Variants in MUSK observed in about 807,000 individuals in gnomAD.
MUSK encodes the protein muscle associated receptor tyrosine kinase.
Under a neutral mutation model 88.7 loss-of-function variants are expected in MUSK, and 55 were observed. The ratio of observed to expected loss-of-function variants is 0.62; its 90% CI spans 0.50 to 0.78. MUSK has a LOEUF of 0.78. Ranked by LOEUF, MUSK falls within the 30% of genes least tolerant of loss-of-function variation. The probability of loss-of-function intolerance (pLI) is 0.00; values close to 1 mark genes in which losing one functional copy is unlikely to be tolerated. For missense variants in MUSK, 1,015 were observed against 1,074.3 expected, an observed-to-expected ratio of 0.94 and a Z score of 0.77; for synonymous variants, 387 against 391.9, an observed-to-expected ratio of 0.99 and a Z score of 0.15.
At chr9:110,780,132 C>T (rs1056317641) in intron 11 of MUSK, among the ~76,000 whole-genome samples, 3 of 152,144 alleles carry the variant, frequency 2.0e-5, no homozygotes, top group South Asian at 2.1e-4. Context: ...AACTGATATA[C>T]TCTATTTTAT....
chr9:110,758,968 A>C (rs2077362793), intron 7 of MUSK, among the ~76,000 whole-genome samples: 1 of 152,248 alleles, frequency 6.6e-6, no homozygotes, highest in South Asian at 2.1e-4. Flanking sequence ...TCACAGAACT[A>C]GAAACAAAAC....
intron 1 of MUSK, among the ~76,000 whole-genome samples, chr9:110,680,232 T>C (rs142902633): frequency 1.5e-3 from 235 of 152,288 alleles, no homozygotes; most frequent in African/African-American, 5.2e-3. Context: ...TGGTATCAAT[T>C]GTTGTTGCTG....
chr9:110,731,317 A>G (rs1439156798), intron 5 of MUSK, among the ~76,000 whole-genome samples: 1 of 152,064 alleles, frequency 6.6e-6, no homozygotes, highest in African/African-American at 2.4e-5. Flanking sequence ...GTAATTACCA[A>G]ATGATTCAGA....
chr9:110,757,652 A>G (rs2077344395), intron 7 of MUSK, among the ~76,000 whole-genome samples: 1 of 151,624 alleles, frequency 6.6e-6, no homozygotes, highest in South Asian at 2.1e-4. Context: ...AATTTGTCAA[A>G]AAAAAAAAGT....
At chr9:110,672,834 T>C (rs900566011) in intron 1 of MUSK, among the ~76,000 whole-genome samples, 1 of 152,178 alleles carries the variant, frequency 6.6e-6, no homozygotes, top group African/African-American at 2.4e-5. Flanking sequence ...TCAATAGTCA[T>C]ATGCGAGAGC....
intron 1 of MUSK, among the ~76,000 whole-genome samples, chr9:110,678,577 T>C (rs1032868429): frequency 6.6e-6 from 1 of 152,178 alleles, no homozygotes; most frequent in Non-Finnish European, 1.5e-5. Flanking sequence ...TCTGTGAGTA[T>C]TGTTGATGAT....
At chr9:110,752,498 C>T (rs73655620) in intron 7 of MUSK, among the ~76,000 whole-genome samples, 1,882 of 152,380 alleles carry the variant, frequency 0.012, 44 homozygotes, top group African/African-American at 0.043. Flanking sequence ...TCAAGTCAGA[C>T]ATGGCGCCTC....
chr9:110,738,234 A>G (rs1488312459), intron 6 of MUSK, among the ~76,000 whole-genome samples: 1 of 152,030 alleles, frequency 6.6e-6, no homozygotes, highest in African/African-American at 2.4e-5. Flanking sequence ...CCATCTTTCT[A>G]TATATTTACT....
chr9:110,789,369 G>T (rs2077932842), intron 14 of MUSK, among the ~76,000 whole-genome samples: 1 of 152,246 alleles, frequency 6.6e-6, no homozygotes, highest in South Asian at 2.1e-4. Context: ...AAAAGTCAAA[G>T]ATAGTATCGA....
chr9:110,697,277 T>C (rs2076443329), intron 4 of MUSK, 48 bp from the exon 5 acceptor site: 1 of 1,601,108 alleles, frequency 6.2e-7, no homozygotes, highest in Admixed American at 1.7e-5. Flanking sequence ...AAATGTATCC[T>C]TGATAGACCC....
chr9:110,683,520 G>T lies in MUSK; in HGVS notation c.206+720G>T, dbSNP rs377370651. Among the ~76,000 whole-genome samples the T allele has an allele frequency of 8.8e-4, 134 of 152,120 alleles. 3 individuals carry two copies. The South Asian group carries it at 0.022, about 24-fold the overall frequency. Reference sequence around the variant, plus strand: ...CAGCAGTGGGGTTGCTGGATCATATGGTAGCTCAATTTTTAGTTTTTTGAG... The same window carrying T: ...CAGCAGTGGGGTTGCTGGATCATATTGTAGCTCAATTTTTAGTTTTTTGAG... On this transcript the variant is annotated intron_variant, in intron 2 of 14. Transcript: ENST00000374448.
intron 8 of MUSK, among the ~76,000 whole-genome samples, chr9:110,765,351 G>T (rs1050058909): frequency 6.6e-6 from 1 of 152,048 alleles, no homozygotes; most frequent in South Asian, 2.1e-4. Flanking sequence ...AGACCATTTC[G>T]TAAACCAGTT....
intron 5 of MUSK, among the ~76,000 whole-genome samples, chr9:110,717,221 T>C (rs1263429691): frequency 1.3e-5 from 2 of 149,820 alleles, no homozygotes; most frequent in Admixed American, 6.6e-5. Flanking sequence ...GATCATTATA[T>C]ATTTTTTTAA....
At chr9:110,674,488 C>T (rs944799535) in intron 1 of MUSK, among the ~76,000 whole-genome samples, 10 of 152,054 alleles carry the variant, frequency 6.6e-5, no homozygotes, top group Non-Finnish European at 1.0e-4. Context: ...CACTTGACTA[C>T]GATTAATAGA....
chr9:110,685,860 C>A (rs1267464157), intron 2 of MUSK, among the ~76,000 whole-genome samples: 1 of 152,046 alleles, frequency 6.6e-6, no homozygotes, highest in East Asian at 1.9e-4. Flanking sequence ...TTCTAGCATG[C>A]TTTTCAAATT....
rs544704066 is a variant in MUSK at position 110,803,966 on chromosome 9, C to T, written c.*2978C>T. On this transcript the variant is annotated 3_prime_UTR_variant, in exon 15 of 15. Coordinates refer to ENST00000374448, the MANE Select transcript of MUSK (RefSeq NM_005592.4). ...AGCAGTCATTTTTAGTGATCAAATA[C>T]CAAACATGGTAAGATACCAGAGTAT... Among the ~76,000 whole-genome samples the T allele has an allele frequency of 1.3e-3, 194 of 152,146 alleles. No homozygotes were observed. Among genetic ancestry groups the T allele is most frequent in the Non-Finnish European group, 2.1e-3 (143 of 67,968 alleles).
chr9:110,676,972 A>G (rs1374594191), intron 1 of MUSK, among the ~76,000 whole-genome samples: 1 of 152,072 alleles, frequency 6.6e-6, no homozygotes, highest in Non-Finnish European at 1.5e-5. Flanking sequence ...GGAAAAACCT[A>G]CCTCTCTGCA....
intron 7 of MUSK, among the ~76,000 whole-genome samples, chr9:110,761,567 CTTTTT>C (rs1168716499): frequency 7.6e-5 from 4 of 52,736 alleles, no homozygotes; most frequent in Non-Finnish European, 1.4e-4. Context: ...CCACATCTTG[CTTTTT>C]TTTTTTTTTT....
At chr9:110,746,772 T>C (rs2077179028) in intron 6 of MUSK, among the ~76,000 whole-genome samples, 1 of 152,194 alleles carries the variant, frequency 6.6e-6, no homozygotes, top group Non-Finnish European at 1.5e-5. Context: ...TGCTTCTGTT[T>C]CCTACTAAGG....
Sources: gnomAD v4.1 joint callset for allele counts (sites outside exome capture counted in the v4.1 genomes callset) on GRCh38, gnomAD v4.1.1 for gene constraint, MANE v1.5 for transcripts, NCBI Gene and HGNC (gene_info 2026-07-23, HGNC 2026-07-21) for gene names.